Variants in CAPN9 observed in about 807,000 individuals in gnomAD.
The protein encoded by CAPN9 is calpain 9.
A neutral mutation model predicts 92.8 loss-of-function variants in CAPN9; 81 were observed. That is an observed-to-expected ratio of 0.87 (90% confidence interval 0.73 to 1.05). The LOEUF (loss-of-function observed/expected upper bound fraction) is 1.05, where lower values mean the gene tolerates loss of function less well. Among genes scored for constraint, CAPN9 ranks in the 50% least tolerant of loss-of-function variants. The pLI, the probability that CAPN9 is intolerant of heterozygous loss-of-function variation, is 0.00. For missense variants in CAPN9, 848 were observed against 866.2 expected (o/e 0.98, Z 0.26); for synonymous variants, 304 against 328.0 (o/e 0.93, Z 0.79).
At chr1:230,794,545 C>T (rs1186954981) in intron 17 of CAPN9, among the ~76,000 whole-genome samples, 1 of 152,170 alleles carries the variant, frequency 6.6e-6, no homozygotes, top group Non-Finnish European at 1.5e-5. Context: ...CCTCATTTGA[C>T]AATGAGGAAA....
chr1:230,791,609 T>G (rs28359715), intron 14 of CAPN9, among the ~76,000 whole-genome samples: 8,774 of 152,282 alleles, frequency 0.058, 837 homozygotes, highest in African/African-American at 0.2. Flanking sequence ...TCATATGTTA[T>G]TCTTTGCTCG....
In CAPN9 at chr1:230,753,311, G is replaced by A. The variant is rs147940127; in HGVS notation, c.214-2026G>A. Among the ~76,000 whole-genome samples the A allele has an allele frequency of 7.2e-5, 11 of 152,244 alleles. No individual in the cohort carries two copies. The East Asian group carries it at 1.2e-3, about 16-fold the overall frequency. ...GTTTTGGCGCATCTAAAAACACCCC[G>A]TGTTCTTCAGAAATTCTCCTGGCCA... On this transcript the variant is annotated intron_variant, in intron 1 of 19. Coordinates refer to ENST00000271971, the MANE Select transcript of CAPN9 (RefSeq NM_006615.3).
chr1:230,759,444 G>T, intron 2 of CAPN9, 68 bp from the exon 3 acceptor site: 7 of 1,152,100 alleles, frequency 6.1e-6, no homozygotes, highest in South Asian at 1.4e-5. Flanking sequence ...ATCCCCTTCT[G>T]ACACAGAGTT....
At chr1:230,760,121 A>C (rs908883711) in intron 3 of CAPN9, among the ~76,000 whole-genome samples, 23 of 152,266 alleles carry the variant, frequency 1.5e-4, no homozygotes, top group Middle Eastern at 3.4e-3. Context: ...CGAGGTGCAC[A>C]TCAGGAGAGG....
intron 11 of CAPN9, among the ~76,000 whole-genome samples, chr1:230,781,177 CT>C (rs1248179717): frequency 2.0e-5 from 3 of 152,092 alleles, no homozygotes; most frequent in Non-Finnish European, 4.4e-5. Flanking sequence ...CTGCAGGACA[CT>C]TTCTTAGCTT....
chr1:230,795,003 A>T (rs966791427), intron 17 of CAPN9, 160 bp from the exon 18 acceptor site: 71 of 612,606 alleles, frequency 1.2e-4, no homozygotes, highest in Non-Finnish European at 1.2e-5. Context: ...CACCAAGGGC[A>T]GCAGTCCCAC....
intron 11 of CAPN9, among the ~76,000 whole-genome samples, chr1:230,785,479 G>T (rs1667520202): frequency 6.6e-6 from 1 of 152,112 alleles, no homozygotes; most frequent in African/African-American, 2.4e-5. Flanking sequence ...TCATGGCTTG[G>T]TGCTGTCTTC....
chr1:230,758,190 C>G (rs1343953213), intron 2 of CAPN9, among the ~76,000 whole-genome samples: 2 of 152,196 alleles, frequency 1.3e-5, no homozygotes, highest in African/African-American at 4.8e-5. Flanking sequence ...TTTTCCTCAA[C>G]TGGGCAAAGT....
At chr1:230,791,204 TG>T (rs754206224) in intron 14 of CAPN9, among the ~76,000 whole-genome samples, 15 of 152,190 alleles carry the variant, frequency 9.9e-5, no homozygotes, top group Non-Finnish European at 1.9e-4. Context: ...ACAAGTTTTT[TG>T]GGTGGGCATG....
chr1:230,778,447 CTCAGAG>C (rs1429753180), intron 8 of CAPN9, among the ~76,000 whole-genome samples: 1 of 152,216 alleles, frequency 6.6e-6, no homozygotes, highest in East Asian at 1.9e-4. Context: ...TCTCCATCTT[CTCAGAG>C]TCAAAGCCAA....
At chr1:230,798,133 G>T in intron 18 of CAPN9, 29 bp from the exon 19 acceptor site, 3 of 1,534,596 alleles carry the variant, frequency 2.0e-6, no homozygotes, top group Non-Finnish European at 2.7e-6. Flanking sequence ...GTCTTTAAAA[G>T]GATGCCTTTC....
At chr1:230,760,041 TA>T (rs1240375701) in intron 3 of CAPN9, among the ~76,000 whole-genome samples, 1 of 152,162 alleles carries the variant, frequency 6.6e-6, no homozygotes, top group Non-Finnish European at 1.5e-5. Flanking sequence ...TGAGGGATTT[TA>T]AAAAATAAAA....
chr1:230,750,060 G>C (rs1316410), intron 1 of CAPN9, among the ~76,000 whole-genome samples: 44,662 of 152,134 alleles, frequency 0.29, 6,869 homozygotes, highest in Non-Finnish European at 0.35. Context: ...ACCAAGGCCT[G>C]CCCAGCGACT....
intron 6 of CAPN9, 77 bp from the exon 7 acceptor site, chr1:230,771,937 T>A: frequency 8.5e-7 from 1 of 1,176,850 alleles, no homozygotes. Flanking sequence ...CTGGTCCACC[T>A]GGAGCTCATA....
intron 6 of CAPN9, among the ~76,000 whole-genome samples, chr1:230,770,429 G>A (rs905845569): frequency 6.6e-6 from 1 of 152,194 alleles, no homozygotes; most frequent in Non-Finnish European, 1.5e-5. Flanking sequence ...TAAATTTCAT[G>A]TCACCCAGAA....
chr1:230,781,425 T>G lies in CAPN9; in HGVS notation c.1481+717T>G, dbSNP rs145392950. On this transcript the variant is annotated intron_variant, in intron 11 of 19. Transcript: ENST00000271971. ...GGGTGGCTATTGCAAATTTCAAGAA[T>G]GACATGTTCTTTCAGCTCCAATTTA... Among the ~76,000 whole-genome samples, 16 of 152,346 alleles carry G rather than the reference T, an allele frequency of 1.1e-4. No individual in the cohort carries two copies. The East Asian group carries it at 3.1e-3, about 29-fold the overall frequency.
intron 1 of CAPN9, among the ~76,000 whole-genome samples, chr1:230,754,441 A>G (rs1156286632): frequency 6.6e-6 from 1 of 151,992 alleles, no homozygotes; most frequent in Non-Finnish European, 1.5e-5. Flanking sequence ...GTGAAACAAT[A>G]TGAGAGATGT....
intron 11 of CAPN9, among the ~76,000 whole-genome samples, chr1:230,782,201 T>C (rs1005632805): frequency 6.6e-6 from 1 of 152,232 alleles, no homozygotes; most frequent in Non-Finnish European, 1.5e-5. Context: ...TCAATCTTGC[T>C]CTGAACAAGA....
chr1:230,795,446 A>T, intron 18 of CAPN9, 167 bp downstream of exon 18: 1 of 568,016 alleles, frequency 1.8e-6, no homozygotes, highest in Non-Finnish European at 3.2e-6. Flanking sequence ...TAAGGAGCAG[A>T]ATGTGCCAGC....
Sources: allele counts gnomAD v4.1 joint callset (sites outside exome capture counted in the v4.1 genomes callset), GRCh38; gene constraint gnomAD v4.1.1; transcripts MANE v1.5; gene names NCBI Gene and HGNC (gene_info 2026-07-23, HGNC 2026-07-21).